Variants in GPHN observed in about 807,000 individuals in gnomAD.
GPHN encodes the protein gephyrin.
GPHN carries 17 observed loss-of-function variants against 95.5 expected under a neutral mutation model. That is an observed-to-expected ratio of 0.18 (90% CI 0.12 to 0.27). GPHN has a LOEUF of 0.27. Among genes scored for constraint, GPHN ranks in the 10% least tolerant of loss-of-function variants. The pLI, the probability that GPHN is intolerant of heterozygous loss-of-function variation, is 1.00. For synonymous variants in GPHN, 320 were observed against 322.5 expected (o/e 0.99, Z 0.08); for missense variants, 660 against 978.1 (o/e 0.67, Z 4.34).
the GPHN span, among the ~76,000 whole-genome samples, chr14:67,381,121 A>G: frequency 6.6e-6 from 1 of 152,196 alleles, no homozygotes; most frequent in Non-Finnish European, 1.5e-5. Context: ...CCAGTGTATC[A>G]TAGGTACCCT....
chr14:66,658,136 T>C (rs974438501), intron 1 of GPHN, among the ~76,000 whole-genome samples: 4 of 152,064 alleles, frequency 2.6e-5, no homozygotes, highest in Admixed American at 6.6e-5. Flanking sequence ...TATGACTTCA[T>C]TGGTGGAAAG....
At chr14:66,670,603 G>C (rs532787755) in intron 1 of GPHN, among the ~76,000 whole-genome samples, 12 of 152,066 alleles carry the variant, frequency 7.9e-5, no homozygotes, top group Non-Finnish European at 1.6e-4. Flanking sequence ...ACCAGCCTGA[G>C]CAACAGCGAA....
chr14:66,986,369 G>A (rs2071030282), intron 9 of GPHN, among the ~76,000 whole-genome samples: 1 of 151,990 alleles, frequency 6.6e-6, no homozygotes, highest in South Asian at 2.1e-4. Context: ...AACAGAACCA[G>A]ATACATACCT....
chr14:67,495,780 A>C, the GPHN span, among the ~76,000 whole-genome samples: 2 of 152,156 alleles, frequency 1.3e-5, no homozygotes, highest in Non-Finnish European at 2.9e-5. Flanking sequence ...CACCATGCCC[A>C]GCCAGCCTTC....
At chr14:66,612,103 A>T (rs2153283053) in intron 1 of GPHN, among the ~76,000 whole-genome samples, 1 of 151,954 alleles carries the variant, frequency 6.6e-6, no homozygotes, top group East Asian at 1.9e-4. Flanking sequence ...CATTTTCTTT[A>T]CATTGTTTTA....
the GPHN span, chr14:67,593,708 G>T: frequency 2.3e-6 from 3 of 1,317,982 alleles, no homozygotes; most frequent in Non-Finnish European, 3.3e-6. Flanking sequence ...ACCTCCTCCA[G>T]AGAGGCCTGT....
intron 5 of GPHN, among the ~76,000 whole-genome samples, chr14:66,889,849 A>T (rs1475633233): frequency 6.6e-6 from 1 of 152,040 alleles, no homozygotes; most frequent in Admixed American, 6.6e-5. Context: ...AAAAAGATCA[A>T]CAAAATCACA....
chr14:66,863,971 A>C (rs1182769279), intron 4 of GPHN, among the ~76,000 whole-genome samples: 2 of 152,218 alleles, frequency 1.3e-5, no homozygotes, highest in African/African-American at 4.8e-5. Flanking sequence ...GACAAATGGG[A>C]TTACAAATTT....
the GPHN span, among the ~76,000 whole-genome samples, chr14:67,518,919 G>GAA: frequency 2.4e-4 from 37 of 152,236 alleles, no homozygotes; most frequent in Non-Finnish European, 4.4e-4. Flanking sequence ...AAGATCACAT[G>GAA]AAGTCTGTTG....
chr14:66,536,221 G>A (rs1203303080), intron 1 of GPHN, among the ~76,000 whole-genome samples: 1 of 152,160 alleles, frequency 6.6e-6, no homozygotes, highest in Non-Finnish European at 1.5e-5. Flanking sequence ...AAAGTGCTGG[G>A]ATTACAGGTG....
the GPHN span, among the ~76,000 whole-genome samples, chr14:67,503,155 G>A: frequency 1.5e-3 from 222 of 152,284 alleles, 2 homozygotes; most frequent in African/African-American, 5.0e-3. Flanking sequence ...TTGCATAAAA[G>A]CACATAATAA....
intron 3 of GPHN, among the ~76,000 whole-genome samples, chr14:66,789,970 G>GA (rs2059914580): frequency 1.3e-5 from 2 of 152,148 alleles, no homozygotes; most frequent in African/African-American, 4.8e-5. Flanking sequence ...CGTAATTCAA[G>GA]ACAAAACAGA....
intron 7 of GPHN, 129 bp downstream of exon 7, chr14:66,923,067 A>T (rs941510874): frequency 5.1e-6 from 4 of 784,332 alleles, no homozygotes; most frequent in Non-Finnish European, 8.7e-6. Context: ...AATAAGTGGG[A>T]TGTCCATGAC....
chr14:67,302,811 T>C, the GPHN span, among the ~76,000 whole-genome samples: 1 of 143,312 alleles, frequency 7.0e-6, no homozygotes, highest in African/African-American at 2.5e-5. Flanking sequence ...GAATCAGTAA[T>C]ATAACTCATT....
At chr14:67,019,160 CAG>C (rs1277420057) in intron 9 of GPHN, among the ~76,000 whole-genome samples, 2 of 152,146 alleles carry the variant, frequency 1.3e-5, no homozygotes, top group African/African-American at 2.4e-5. Flanking sequence ...GTATTGATAA[CAG>C]AGAAGAGTAC....
At chr14:67,582,732 C>T in the GPHN span, among the ~76,000 whole-genome samples, 2 of 151,974 alleles carry the variant, frequency 1.3e-5, no homozygotes, top group Admixed American at 1.3e-4. This position sits in a 1 kb window ranked among gnomAD's most constrained non-coding sequence, Gnocchi z 5.0. Context: ...AGCTACTCGG[C>T]AGGCTGAGGC....
chr14:67,614,576 C>G, the GPHN span, among the ~76,000 whole-genome samples: 19 of 151,488 alleles, frequency 1.3e-4, no homozygotes, highest in South Asian at 4.0e-3. Flanking sequence ...CCAGTCTAGG[C>G]AGCATAATGA....
chr14:67,039,913 A>G (rs1381250259), intron 10 of GPHN, among the ~76,000 whole-genome samples: 1 of 152,222 alleles, frequency 6.6e-6, no homozygotes, highest in East Asian at 1.9e-4. Flanking sequence ...GTCAGTCTAT[A>G]TAATCTAGAC....
At chr14:67,423,047 G>A in the GPHN span, among the ~76,000 whole-genome samples, 1 of 151,762 alleles carries the variant, frequency 6.6e-6, no homozygotes, top group African/African-American at 2.4e-5. Context: ...TGTTCAGGCT[G>A]GTCTCAAACT....
Sources: allele counts gnomAD v4.1 joint callset (sites outside exome capture counted in the v4.1 genomes callset), GRCh38; gene constraint gnomAD v4.1.1; non-coding constraint Gnocchi (gnomAD v3.1); transcripts MANE v1.5; gene names NCBI Gene and HGNC (gene_info 2026-07-23, HGNC 2026-07-21).